The following DIAPH3 variants were observed in gnomAD, a reference collection of about 807,000 sequenced individuals.
DIAPH3 encodes the protein protein diaphanous homolog 3.
A neutral mutation model predicts 144.3 loss-of-function variants in DIAPH3; 117 were observed. That is an observed-to-expected ratio of 0.81 (90% CI 0.70 to 0.95). The LOEUF (loss-of-function observed/expected upper bound fraction) is 0.95. DIAPH3 is among the 40% of genes least tolerant of loss of function. DIAPH3 has a pLI of 0.00. For synonymous variants in DIAPH3, 519 were observed against 488.9 expected, an observed-to-expected ratio of 1.06 and a Z score of -0.81; for missense variants, 1,421 against 1,412.7, an observed-to-expected ratio of 1.01 and a Z score of -0.09.
intron 18 of DIAPH3, among the ~76,000 whole-genome samples, chr13:59,917,903 A>AAG (rs2047306414): frequency 1.4e-5 from 2 of 147,742 alleles, no homozygotes; most frequent in Non-Finnish European, 3.0e-5. Context: ...AAAAAAAAAA[A>AAG]AAAAAAAAAA....
At position 60,163,141 on chromosome 13, in the gene DIAPH3, TTCTAAAACTAGCTG is replaced by T. The variant is rs1286492339; in HGVS notation, c.180+432_180+445del. On this transcript the variant is annotated intron_variant, in intron 1 of 27. Coordinates refer to ENST00000400324, the MANE Select transcript of DIAPH3 (RefSeq NM_001042517.2). The stretch of plus-strand genomic sequence containing the variant: ...AGCAGTGACCACACCACCCGCCAAG[TTCTAAAACTAGCTG>T]TTTCAACTTGGAAAATTATATCTAC... Among the ~76,000 whole-genome samples the T allele has an allele frequency of 4.6e-5, 7 of 152,300 alleles. No homozygotes were observed. In the South Asian group the frequency reaches 1.5e-3, roughly 32 times the overall value.
At chr13:59,880,176 T>C (rs945492665) in intron 20 of DIAPH3, among the ~76,000 whole-genome samples, 2 of 152,120 alleles carry the variant, frequency 1.3e-5, no homozygotes, top group African/African-American at 2.4e-5. Flanking sequence ...TGGAGGTGTC[T>C]AAAAGAACAA....
intron 27 of DIAPH3, among the ~76,000 whole-genome samples, chr13:59,706,055 A>T (rs2034404680): frequency 6.6e-6 from 1 of 152,008 alleles, no homozygotes; most frequent in Non-Finnish European, 1.5e-5. Flanking sequence ...AAGATGCTCT[A>T]GTCCTTGATA....
chr13:59,970,912 C>T lies in DIAPH3; in HGVS notation c.1899G>A (p.Gly633=). Residue 633 remains glycine (G), a synonymous_variant, in exon 16 of 28, where the codon GGG becomes GGA. Coordinates refer to ENST00000400324, the MANE Select transcript of DIAPH3 (RefSeq NM_001042517.2). ...NSPPLPILPF[G]LKPKKEFKPE... ...GTTTAAATTCTTTCTTTGGTTTCAA[C>T]CCAAATGGCAGGATTGGTAGAGGAG... 6.2e-7 allele frequency: 1 copy of T among 1,613,782 alleles called. No individual in the cohort carries two copies. Among genetic ancestry groups the T allele is most frequent in the Non-Finnish European group, 8.5e-7 (1 of 1,179,946 alleles).
intron 25 of DIAPH3, among the ~76,000 whole-genome samples, chr13:59,809,439 T>C (rs2040359663): frequency 6.6e-6 from 1 of 151,336 alleles, no homozygotes; most frequent in Non-Finnish European, 1.5e-5. Context: ...GAGGCAGAAG[T>C]TGCAGTGAGC....
At chr13:59,838,150 C>T (rs938878658) in intron 23 of DIAPH3, 2 of 152,042 alleles carry the variant, frequency 1.3e-5, no homozygotes, top group Non-Finnish European at 2.9e-5. Context: ...ATCTTTCATA[C>T]AGAATTCATT....
intron 25 of DIAPH3, among the ~76,000 whole-genome samples, chr13:59,780,974 G>T (rs1322502038): frequency 1.3e-5 from 2 of 152,166 alleles, no homozygotes; most frequent in Admixed American, 1.3e-4. Flanking sequence ...CTCTGGAAAA[G>T]TATATGCCTG....
chr13:59,827,450 G>A (rs891504119), intron 24 of DIAPH3, among the ~76,000 whole-genome samples: 3 of 152,006 alleles, frequency 2.0e-5, no homozygotes, highest in African/African-American at 7.2e-5. Context: ...AAGGAGTTCT[G>A]CAACAAAGGG....
At chr13:60,133,393 G>A (rs575022817) in intron 1 of DIAPH3, among the ~76,000 whole-genome samples, 1 of 152,108 alleles carries the variant, frequency 6.6e-6, no homozygotes, top group Admixed American at 6.5e-5. Flanking sequence ...TTAATGTGAT[G>A]ATTTTTCAGA....
intron 20 of DIAPH3, among the ~76,000 whole-genome samples, chr13:59,885,040 C>T (rs956511644): frequency 2.6e-5 from 4 of 152,046 alleles, no homozygotes; most frequent in Non-Finnish European, 2.9e-5. Flanking sequence ...AAACAATTGG[C>T]TATAGACATT....
intron 13 of DIAPH3, among the ~76,000 whole-genome samples, chr13:59,982,806 G>C (rs1042508867): frequency 1.3e-5 from 2 of 151,380 alleles, no homozygotes; most frequent in Non-Finnish European, 3.0e-5. Flanking sequence ...TGGTCATATG[G>C]AAAGAATGGT....
At chr13:59,863,220 G>A (rs941168593) in intron 21 of DIAPH3, among the ~76,000 whole-genome samples, 1 of 151,896 alleles carries the variant, frequency 6.6e-6, no homozygotes, top group Admixed American at 6.6e-5. Context: ...AGGACTAATA[G>A]GTAATCTGGT....
chr13:59,667,731 C>T (rs2032105442), intron 27 of DIAPH3, among the ~76,000 whole-genome samples: 1 of 152,036 alleles, frequency 6.6e-6, no homozygotes, highest in South Asian at 2.1e-4. Context: ...AAACAGACAC[C>T]CTCAATATTC....
chr13:59,864,672 G>C (rs1358132801), intron 21 of DIAPH3, among the ~76,000 whole-genome samples: 1 of 152,034 alleles, frequency 6.6e-6, no homozygotes, highest in Non-Finnish European at 1.5e-5. Flanking sequence ...AAACAATGTA[G>C]TTTGTAGCAA....
intron 20 of DIAPH3, among the ~76,000 whole-genome samples, chr13:59,899,420 A>C (rs537604722): frequency 6.6e-6 from 1 of 152,332 alleles, no homozygotes; most frequent in Non-Finnish European, 1.5e-5. Flanking sequence ...AAAAAAGACC[A>C]GAAAGAAATG....
chr13:59,783,351 G>A (rs78146900), intron 25 of DIAPH3, among the ~76,000 whole-genome samples: 3,833 of 152,214 alleles, frequency 0.025, 105 homozygotes, highest in East Asian at 0.12. Flanking sequence ...GTACAGAACC[G>A]TCTTTGTTTG....
In DIAPH3 at chr13:59,846,093, C is replaced by G. The variant is rs866784241; in HGVS notation, c.2738-6645G>C. 3.3e-5 allele frequency among the ~76,000 whole-genome samples: 5 copies of G among 152,158 alleles called. No homozygotes were observed. The South Asian group carries it at 8.3e-4, about 25-fold the overall frequency. ...TTATACACCAGAGGTGTTAAAGAAGCTTTAGAGTAAAAGTTAAAATCGAAA... is the reference window on the plus strand; with the variant it reads ...TTATACACCAGAGGTGTTAAAGAAGGTTTAGAGTAAAAGTTAAAATCGAAA... On this transcript the variant is annotated intron_variant, in intron 22 of 27. Transcript: ENST00000400324.
At chr13:60,132,589 G>A (rs1457987069) in intron 2 of DIAPH3, among the ~76,000 whole-genome samples, 3 of 151,942 alleles carry the variant, frequency 2.0e-5, no homozygotes, top group South Asian at 4.1e-4. Context: ...TAATATTTTA[G>A]TCTGACTTAC....
chr13:59,939,661 G>A (rs2048427571), intron 17 of DIAPH3, among the ~76,000 whole-genome samples: 1 of 152,160 alleles, frequency 6.6e-6, no homozygotes, highest in Non-Finnish European at 1.5e-5. Flanking sequence ...AGAGACCAGG[G>A]AGATGTATTT....
Sources: gnomAD v4.1 joint callset for allele counts (sites outside exome capture counted in the v4.1 genomes callset) on GRCh38, gnomAD v4.1.1 for gene constraint, MANE v1.5 for transcripts, NCBI Gene and HGNC (gene_info 2026-07-23, HGNC 2026-07-21) for gene names.